Variants in SH3BP1 observed in about 807,000 individuals in gnomAD.
The protein encoded by SH3BP1 is SH3 domain-binding protein 1.
Under a neutral mutation model 69.8 loss-of-function variants are expected in SH3BP1, and 46 were observed. That is an observed-to-expected ratio of 0.66 (90% confidence interval 0.52 to 0.84). SH3BP1 has a LOEUF of 0.84. Ranked by LOEUF, SH3BP1 falls within the 40% of genes least tolerant of loss-of-function variation. The pLI is 0.00. For synonymous variants in SH3BP1, 403 were observed against 378.0 expected, an observed-to-expected ratio of 1.07 and a Z score of -0.77; for missense variants, 868 against 930.9, an observed-to-expected ratio of 0.93 and a Z score of 0.88.
chr22:37,642,990 T>C lies in SH3BP1; in HGVS notation c.380T>C (p.Leu127Pro). ...CTGGAGAGGGACGTCCTGCAGCCACTCAGCAGGCTGAGTGAGGTGAGCCTG... is the reference window on the plus strand; with the variant it reads ...CTGGAGAGGGACGTCCTGCAGCCACCCAGCAGGCTGAGTGAGGTGAGCCTG... ...MTLERDVLQPLSRLSEEELPA... is the reference protein window; with the variant it reads ...MTLERDVLQPPSRLSEEELPA... Residue 127 changes from leucine to proline, a missense_variant, in exon 5 of 18, where the codon CTC becomes CCC. Leu to Pro is a moderately conservative substitution (Grantham distance 98, BLOSUM62 -3). Around this residue, in one of 3 missense-constraint regions of SH3BP1, gnomAD observed 387 missense variants for 447.9 expected, o/e 0.86. Coordinates refer to ENST00000649765, the MANE Select transcript of SH3BP1 (RefSeq NM_018957.6). 1.2e-6 allele frequency: 2 copies of C among 1,612,798 alleles called. No homozygotes were observed. The highest frequency in any genetic ancestry group is 1.7e-6 in the Non-Finnish European group (2 of 1,179,778).
In SH3BP1 at chr22:37,643,079, C is replaced by G; in HGVS notation, c.397-19C>G. On this transcript the variant is annotated intron_variant, in intron 5 of 17. Coordinates refer to ENST00000649765, the MANE Select transcript of SH3BP1 (RefSeq NM_018957.6). ...TCCCTCCTCCCCCAGCACACTGACCCCCCCATGCCCATCCCCAGGAGGAGC... is the reference window on the plus strand; with the variant it reads ...TCCCTCCTCCCCCAGCACACTGACCGCCCCATGCCCATCCCCAGGAGGAGC... The G allele has an allele frequency of 1.9e-6, 3 of 1,610,214 alleles. No individual in the cohort carries two copies. The highest frequency in any genetic ancestry group is 2.5e-6 in the Non-Finnish European group (3 of 1,178,284).
At chr22:37,641,105 C>CCG (rs1555887902) in intron 1 of SH3BP1, 21 bp from the exon 2 acceptor site, 2 of 1,310,322 alleles carry the variant, frequency 1.5e-6, no homozygotes, top group African/African-American at 3.0e-5. Context: ...CTCTCCCCCC[C>CCG]CCCCCCACCA....
intron 17 of SH3BP1, among the ~76,000 whole-genome samples, chr22:37,654,182 T>G (rs1932950323): frequency 6.6e-6 from 1 of 152,134 alleles, no homozygotes; most frequent in Non-Finnish European, 1.5e-5. Context: ...ACGTGCCCAC[T>G]AAGGGGGAGC....
rs774893634 is a variant in SH3BP1, at chr22:37,650,232, A to G, written c.1397A>G (p.Asp466Gly). 5.0e-6 allele frequency: 8 copies of G among 1,611,044 alleles called. No homozygotes were observed. Residue 466 changes from aspartate to glycine, a missense_variant, in exon 15 of 18, where the codon GAC becomes GGC. Around this residue, in one of 3 missense-constraint regions of SH3BP1, gnomAD observed 474 missense variants for 462.3 expected, o/e 1.03. Transcript: ENST00000649765. The stretch of plus-strand genomic sequence containing the variant: ...GTCGAGGCGCTGATCCAGAGCGCAG[A>G]CACCCTCTTCCCTGGAGGTGAAGCT... ...GVVEALIQSADTLFPGDINFN... is the reference protein window; with the variant it reads ...GVVEALIQSAGTLFPGDINFN...
rs750702516 is a variant in SH3BP1, at chr22:37,643,829, G to T, written c.618+41G>T. 1.7e-5 allele frequency: 28 copies of T among 1,607,156 alleles called. 1 individual carries two copies. In the South Asian group the frequency reaches 3.1e-4, roughly 18 times the overall value. ...GTCCCCTGGATATGTAGGGGTGGCA[G>T]GGGTGGGTCCTGGCCCATCTCACAG... On this transcript the variant is annotated intron_variant, in intron 7 of 17. Coordinates refer to ENST00000649765, the MANE Select transcript of SH3BP1 (RefSeq NM_018957.6).
At position 37,655,984 on chromosome 22, in the gene SH3BP1, T is replaced by G; in HGVS notation, c.*300T>G. On this transcript the variant is annotated 3_prime_UTR_variant, in exon 18 of 18. Transcript: ENST00000649765. ...TTGCCTGCTCCTACGGGACTGATTC[T>G]TCTCTTGCCGACATGTTTTTTGTAA... is the stretch of plus-strand genomic sequence containing the variant. 1 of 1,515,040 alleles carries G rather than the reference T, an allele frequency of 6.6e-7. No individual in the cohort carries two copies. The highest frequency in any genetic ancestry group is 8.9e-7 in the Non-Finnish European group (1 of 1,126,996). 93.8% of individuals were successfully genotyped at this position (1,515,040 alleles called of 1,614,324 possible). A position where few individuals can be genotyped will look rare whatever the true frequency, so the allele number is the denominator to read the frequency against.
chr22:37,652,825 CAAAAA>C (rs34342757), intron 16 of SH3BP1, among the ~76,000 whole-genome samples: 2 of 97,824 alleles, frequency 2.0e-5, no homozygotes, highest in Non-Finnish European at 4.4e-5. Context: ...AACTCCATCT[CAAAAA>C]AAAAAAAAAA....
chr22:37,651,242 C>T (rs750885994), intron 16 of SH3BP1, among the ~76,000 whole-genome samples: 1 of 151,978 alleles, frequency 6.6e-6, no homozygotes, highest in Non-Finnish European at 1.5e-5. Context: ...CCATGTTGGC[C>T]AGGCTGGTCT....
intron 10 of SH3BP1, among the ~76,000 whole-genome samples, chr22:37,645,960 CT>C (rs11329854): frequency 0.069 from 8,730 of 126,176 alleles, 459 homozygotes; most frequent in African/African-American, 0.2. Flanking sequence ...CTCCCTTACA[CT>C]TTTTTTTTTT....
intron 3 of SH3BP1, chr22:37,641,701 C>T (rs1403033014): frequency 3.8e-6 from 2 of 532,046 alleles, no homozygotes; most frequent in Non-Finnish European, 6.6e-6. Context: ...TAAGCCAAGG[C>T]CAGGCTTCTG....
rs1933032510 is a variant in SH3BP1 at position 37,655,957 on chromosome 22, G to A, written c.*273G>A. The A allele has an allele frequency of 6.4e-7, 1 of 1,554,584 alleles. No individual in the cohort carries two copies. Among genetic ancestry groups the A allele is most frequent in the African/African-American group, 1.4e-5 (1 of 74,026 alleles). On this transcript the variant is annotated 3_prime_UTR_variant, in exon 18 of 18. Transcript: ENST00000649765. Reference sequence around the variant, plus strand: ...GGGGAGCCACCGGAAGGAAGGAGAGGTTTGCCTGCTCCTACGGGACTGATT... The same window carrying A: ...GGGGAGCCACCGGAAGGAAGGAGAGATTTGCCTGCTCCTACGGGACTGATT...
At chr22:37,650,797 G>C in intron 16 of SH3BP1, 72 bp downstream of exon 16, 1 of 1,496,970 alleles carries the variant, frequency 6.7e-7, no homozygotes, top group Non-Finnish European at 8.9e-7. Flanking sequence ...CCATGTCTCA[G>C]AGCTGGAAGC....
In SH3BP1 at chr22:37,646,763, G is replaced by T. The variant is rs962738116; in HGVS notation, c.925-55G>T. 2.4e-5 allele frequency: 27 copies of T among 1,126,974 alleles called. No individual in the cohort carries two copies. In the African/African-American group the frequency reaches 3.8e-4, roughly 16 times the overall value. 69.8% of individuals were successfully genotyped at this position (1,126,974 alleles called of 1,614,324 possible). Reference sequence around the variant, plus strand: ...CACCCCAGGCTACAAGTGCGCCAGGGTGTCCTGCCCTGCCCACCCCTCTGT... The same window carrying T: ...CACCCCAGGCTACAAGTGCGCCAGGTTGTCCTGCCCTGCCCACCCCTCTGT... On this transcript the variant is annotated intron_variant, in intron 10 of 17. Transcript: ENST00000649765.
At chr22:37,650,449 G>A in intron 15 of SH3BP1, 93 bp from the exon 16 acceptor site, 2 of 1,527,542 alleles carry the variant, frequency 1.3e-6, no homozygotes, top group Non-Finnish European at 1.8e-6. Context: ...ACATGGTCCA[G>A]ATGGGTTCAG....
intron 3 of SH3BP1, 37 bp from the exon 4 acceptor site, chr22:37,642,502 G>T: frequency 6.2e-7 from 1 of 1,607,282 alleles, no homozygotes; most frequent in Non-Finnish European, 8.5e-7. Flanking sequence ...GTGGAGGGAG[G>T]CACGGACACT....
chr22:37,648,220 T>G, intron 13 of SH3BP1, 99 bp from the exon 14 acceptor site: 2 of 802,658 alleles, frequency 2.5e-6, no homozygotes, highest in Non-Finnish European at 4.1e-6. Context: ...TTAAGACCAT[T>G]CTGGGCGGTG....
rs200168052 is a variant in SH3BP1, at chr22:37,647,436, C to T, written c.1119-5C>T. On this transcript the variant is annotated splice_polypyrimidine_tract_variant and splice_region_variant and intron_variant, in intron 12 of 17. Transcript: ENST00000649765. ...TGGCTGACAGGTCTCTCCACTCCCC[C>T]CCAGCCTGAAGGAGCCAGGGGCCCG... 1.8e-5 allele frequency: 29 copies of T among 1,612,484 alleles called. No homozygotes were observed. The South Asian group carries it at 2.2e-4, about 12-fold the overall frequency.
Position 37,655,449 on chromosome 22 carries a change from C to T in SH3BP1, c.1871C>T (p.Pro624Leu). Residue 624 changes from proline (P) to leucine (L), a missense_variant, in exon 18 of 18, where the codon CCC becomes CTC. Physicochemically the swap from Pro to Leu is moderately conservative, Grantham distance 98. This residue lies in a region of SH3BP1 where 474 missense variants were observed against 462.3 expected (regional missense o/e 1.03). Transcript: ENST00000649765. ...GCCCCCACAGTGCCACCCCCGTTAC[C>T]CCCCACACCCCCTCAGCCTGCCCGG... ...LRAPTVPPPL[P>L]PTPPQPARRQ... 1.6e-6 allele frequency: 2 copies of T among 1,250,760 alleles called. No homozygotes were observed. Among genetic ancestry groups the T allele is most frequent in the Non-Finnish European group, 2.2e-6 (2 of 912,416 alleles). The allele number at this position is 1,250,760 out of a possible 1,614,324, so 77.5% of individuals were successfully genotyped here. A position where few individuals can be genotyped will look rare whatever the true frequency, so the allele number is the denominator to read the frequency against.
chr22:37,645,097 G>A, intron 9 of SH3BP1, 137 bp downstream of exon 9: 1 of 890,792 alleles, frequency 1.1e-6, no homozygotes, highest in Non-Finnish European at 1.7e-6. Flanking sequence ...CTGTGATGGA[G>A]AGGCAGCTCT....
Sources: gnomAD v4.1 joint callset for allele counts (sites outside exome capture counted in the v4.1 genomes callset) on GRCh38, gnomAD v4.1.1 for gene constraint, gnomAD v4.1.1 regional missense constraint, MANE v1.5 for transcripts, NCBI Gene and HGNC (gene_info 2026-07-23, HGNC 2026-07-21) for gene names.